The following AFF1 variants were observed in gnomAD, a reference collection of about 807,000 sequenced individuals.
AFF1 encodes ALF transcription elongation factor 1.
A neutral mutation model predicts 121.7 loss-of-function variants in AFF1; 48 were observed. That is an observed-to-expected ratio of 0.39 (90% CI 0.31 to 0.50). The LOEUF is 0.50. Ranked by LOEUF, AFF1 falls within the 20% of genes least tolerant of loss-of-function variation. The pLI is 0.76. For synonymous variants in AFF1, 613 were observed against 563.0 expected (o/e 1.09, Z -1.26); for missense variants, 1,523 against 1,511.7 (o/e 1.01, Z -0.12).
At chr4:86,940,993 G>A (rs1414890857) in intron 1 of AFF1, among the ~76,000 whole-genome samples, 1 of 151,720 alleles carries the variant, frequency 6.6e-6, no homozygotes, top group Non-Finnish European at 1.5e-5. Context: ...GAGGCTGAGG[G>A]AGGAGAATCG....
intron 4 of AFF1, among the ~76,000 whole-genome samples, chr4:87,082,151 G>C (rs1403448398): frequency 3.3e-5 from 5 of 152,022 alleles, no homozygotes; most frequent in Admixed American, 3.3e-4. Flanking sequence ...GTAGGATGAG[G>C]GGAATATTTT....
Position 87,128,459 on chromosome 4 carries a change from C to T in AFF1, c.2964+756C>T, listed in dbSNP as rs754930421. 3.6e-4 allele frequency among the ~76,000 whole-genome samples: 55 copies of T among 152,264 alleles called. No individual in the cohort carries two copies. The Middle Eastern group carries it at 0.014, about 38-fold the overall frequency. ...GGGGCTTTTGCTTATGTAGTGAGTT[C>T]CTAAACCTAAATCCCCACAAATGCA... On this transcript the variant is annotated intron_variant, in intron 16 of 20. Transcript: ENST00000395146.
At chr4:87,014,059 A>G (rs532991931) in intron 2 of AFF1, among the ~76,000 whole-genome samples, 32 of 152,288 alleles carry the variant, frequency 2.1e-4, no homozygotes, top group Non-Finnish European at 4.3e-4. Flanking sequence ...GAAGGTGGAT[A>G]TCTACGTCCA....
intron 2 of AFF1, among the ~76,000 whole-genome samples, chr4:87,032,401 CGT>C (rs1729167098): frequency 6.6e-6 from 1 of 152,064 alleles, no homozygotes; most frequent in Non-Finnish European, 1.5e-5. Context: ...ACGAGTGTGG[CGT>C]GTGTAATTAA....
intron 2 of AFF1, among the ~76,000 whole-genome samples, chr4:87,001,505 C>A (rs769598030): frequency 1.3e-5 from 2 of 152,120 alleles, no homozygotes; most frequent in Non-Finnish European, 2.9e-5. Flanking sequence ...CGTGAGCCAC[C>A]GCGCCCGGCT....
intron 2 of AFF1, among the ~76,000 whole-genome samples, chr4:86,984,330 T>C (rs1343867743): frequency 6.6e-6 from 1 of 151,322 alleles, no homozygotes; most frequent in African/African-American, 2.4e-5. Context: ...CATTTTTTTT[T>C]CTTTTTTTTT....
chr4:87,100,142 T>A (rs1725273668), intron 8 of AFF1, among the ~76,000 whole-genome samples: 1 of 152,142 alleles, frequency 6.6e-6, no homozygotes, highest in African/African-American at 2.4e-5. Context: ...CTAGGCTAAT[T>A]TAAACGTAGA....
intron 2 of AFF1, among the ~76,000 whole-genome samples, chr4:86,980,707 G>A (rs989157348): frequency 2.0e-5 from 3 of 152,056 alleles, no homozygotes; most frequent in Non-Finnish European, 2.9e-5. Context: ...AAAGAATAAC[G>A]AATAGAAAGC....
At chr4:87,021,329 C>T (rs1319710464) in intron 2 of AFF1, among the ~76,000 whole-genome samples, 1 of 152,220 alleles carries the variant, frequency 6.6e-6, no homozygotes, top group Non-Finnish European at 1.5e-5. Flanking sequence ...ACTCCTGAGT[C>T]ACTCACCAGA....
chr4:87,066,435 A>G (rs998297296), intron 4 of AFF1, among the ~76,000 whole-genome samples: 3 of 152,040 alleles, frequency 2.0e-5, no homozygotes, highest in African/African-American at 4.8e-5. Context: ...ATATTTAACA[A>G]TTAGCTGAGC....
At chr4:87,132,491 T>A in intron 19 of AFF1, 83 bp downstream of exon 19, 1 of 1,382,792 alleles carries the variant, frequency 7.2e-7, no homozygotes, top group Non-Finnish European at 9.7e-7. Context: ...ATTTGTATGC[T>A]TACATATGTC....
Position 87,084,086 on chromosome 4 carries a change from T to C in AFF1, c.1060-34T>C, listed in dbSNP as rs755688929. ...AGTACCATCACTCTTGACTCTGGTTTGCTAACCTTTTATTTTTTGCTTTTC... is the reference window on the plus strand; with the variant it reads ...AGTACCATCACTCTTGACTCTGGTTCGCTAACCTTTTATTTTTTGCTTTTC... On this transcript the variant is annotated intron_variant, in intron 4 of 20. Coordinates refer to ENST00000395146, the MANE Select transcript of AFF1 (RefSeq NM_001166693.3). 3 of 1,609,998 alleles carry C rather than the reference T, an allele frequency of 1.9e-6. No individual in the cohort carries two copies. In the African/African-American group the frequency reaches 4.0e-5, roughly 22 times the overall value.
intron 5 of AFF1, among the ~76,000 whole-genome samples, chr4:87,084,858 C>A (rs1723560372): frequency 6.6e-6 from 1 of 152,190 alleles, no homozygotes; most frequent in Non-Finnish European, 1.5e-5. Flanking sequence ...AGAGAGGAAA[C>A]TTCCTGTATT....
intron 2 of AFF1, among the ~76,000 whole-genome samples, chr4:87,029,663 T>A (rs998244851): frequency 6.6e-6 from 1 of 152,216 alleles, no homozygotes; most frequent in Non-Finnish European, 1.5e-5. Flanking sequence ...TGCTGTGCTG[T>A]GTCCCGTATA....
intron 2 of AFF1, among the ~76,000 whole-genome samples, chr4:86,998,136 C>CT (rs1725385861): frequency 8.2e-6 from 1 of 121,432 alleles, no homozygotes; most frequent in South Asian, 2.7e-4. Flanking sequence ...AACAAGAAAA[C>CT]TGCGTGGACA....
rs56741955 is a variant in AFF1, at chr4:86,998,098, C to CAAAAAAAAAAAAAAAAAAA, written c.39-48057_39-48039dup. Among the ~76,000 whole-genome samples the CAAAAAAAAAAAAAAAAAAA allele has an allele frequency of 1.6e-4, 15 of 91,750 alleles. 2 individuals carry two copies. Among genetic ancestry groups the CAAAAAAAAAAAAAAAAAAA allele is most frequent in the East Asian group, 1.3e-3 (4 of 3,046 alleles). The allele number at this position is 91,750 out of a possible 152,430, so 60.2% of individuals were successfully genotyped here. A position where few individuals can be genotyped will look rare whatever the true frequency, so the allele number is the denominator to read the frequency against. ...AGGCAATAAGAGCGAAACTCCGTCT[C>CAAAAAAAAAAAAAAAAAAA]AAAAAAAAAAAAAAAAAAAAAAAAA... On this transcript the variant is annotated intron_variant, in intron 2 of 20. Coordinates refer to ENST00000395146, the MANE Select transcript of AFF1 (RefSeq NM_001166693.3).
At chr4:87,078,518 G>GC in intron 4 of AFF1, among the ~76,000 whole-genome samples, 1 of 152,182 alleles carries the variant, frequency 6.6e-6, no homozygotes. Context: ...AGTTACGGGA[G>GC]CATCTGCAAG....
intron 2 of AFF1, among the ~76,000 whole-genome samples, chr4:86,994,577 A>G (rs1048193043): frequency 6.6e-6 from 1 of 152,314 alleles, no homozygotes; most frequent in African/African-American, 2.4e-5. Flanking sequence ...TTTTGGCTGC[A>G]TTGGTTTTGG....
chr4:86,982,169 AGAT>A, intron 2 of AFF1, among the ~76,000 whole-genome samples: 1 of 152,346 alleles, frequency 6.6e-6, no homozygotes, highest in African/African-American at 2.4e-5. Flanking sequence ...AAAAGGATGA[AGAT>A]GTCCCAGAGG....
Sources: gnomAD v4.1 joint callset for allele counts (sites outside exome capture counted in the v4.1 genomes callset) on GRCh38, gnomAD v4.1.1 for gene constraint, MANE v1.5 for transcripts, NCBI Gene and HGNC (gene_info 2026-07-23, HGNC 2026-07-21) for gene names.